RELN: variants seen among roughly 807,000 people sequenced by gnomAD.
RELN encodes the protein reelin.
A neutral mutation model predicts 427.6 loss-of-function variants in RELN; 108 were observed. That is an observed-to-expected ratio of 0.25 (90% CI 0.22 to 0.30). The LOEUF is 0.30. Among genes scored for constraint, RELN ranks in the 10% least tolerant of loss-of-function variants. The pLI is 1.00. For missense variants in RELN, 3,715 were observed against 4,302.8 expected, an observed-to-expected ratio of 0.86 and a Z score of 3.82; for synonymous variants, 1,524 against 1,513.4, an observed-to-expected ratio of 1.01 and a Z score of -0.16.
At chr7:103,832,720 C>T (rs1391072595) in intron 3 of RELN, among the ~76,000 whole-genome samples, 1 of 152,056 alleles carries the variant, frequency 6.6e-6, no homozygotes, top group Non-Finnish European at 1.5e-5. Flanking sequence ...GAACACTGTT[C>T]AGAACATCCT....
chr7:103,566,093 T>TC (rs1830744425), intron 33 of RELN, 131 bp downstream of exon 33: 8 of 793,510 alleles, frequency 1.0e-5, no homozygotes, highest in Admixed American at 8.8e-5. Flanking sequence ...AACTTTTTTT[T>TC]CACTGAGAGC....
chr7:103,651,565 T>A, intron 15 of RELN, 96 bp downstream of exon 15: 2 of 1,228,194 alleles, frequency 1.6e-6, no homozygotes, highest in Non-Finnish European at 2.4e-6. Context: ...GTTTCTTACC[T>A]ATTATGACAA....
chr7:103,557,382 C>A (rs1280588465), intron 37 of RELN, among the ~76,000 whole-genome samples: 1 of 152,204 alleles, frequency 6.6e-6, no homozygotes, highest in Admixed American at 6.5e-5. Context: ...ATAATACCTC[C>A]CTTTCTCTCT....
chr7:103,831,227 G>A (rs1793266588), intron 3 of RELN, among the ~76,000 whole-genome samples: 3 of 151,980 alleles, frequency 2.0e-5, no homozygotes, highest in African/African-American at 7.2e-5. Context: ...GTTATGTATG[G>A]CAAGAATTCG....
intron 28 of RELN, among the ~76,000 whole-genome samples, chr7:103,576,056 C>T (rs1247333866): frequency 6.6e-6 from 1 of 152,080 alleles, no homozygotes; most frequent in African/African-American, 2.4e-5. Context: ...CACGGTGAAA[C>T]CCTGTCTCTA....
At chr7:103,599,927 T>C (rs1831625464) in intron 24 of RELN, among the ~76,000 whole-genome samples, 1 of 152,168 alleles carries the variant, frequency 6.6e-6, no homozygotes, top group Non-Finnish European at 1.5e-5. Flanking sequence ...GACAGGGTCG[T>C]CCTCTGTCGC....
At chr7:103,777,683 G>C (rs116622067) in intron 3 of RELN, among the ~76,000 whole-genome samples, 36 of 152,170 alleles carry the variant, frequency 2.4e-4, no homozygotes, top group African/African-American at 8.4e-4. Context: ...CCTTGCTCTG[G>C]CCCACGTGTG....
chr7:103,819,127 G>A (rs548904732), intron 3 of RELN, among the ~76,000 whole-genome samples: 24 of 152,172 alleles, frequency 1.6e-4, no homozygotes, highest in African/African-American at 5.5e-4. Flanking sequence ...TATTTGCTTA[G>A]CTGTATTTTT....
intron 2 of RELN, among the ~76,000 whole-genome samples, chr7:103,860,961 T>A (rs1015277020): frequency 2.6e-5 from 4 of 152,054 alleles, no homozygotes; most frequent in African/African-American, 9.7e-5. Context: ...AAATAACAAA[T>A]ATAACAAAAA....
rs1382371880 is a variant in RELN at position 103,636,375 on chromosome 7, G to T, written c.2163C>A (p.Ser721=). 6.2e-7 allele frequency: 1 copy of T among 1,613,958 alleles called. No homozygotes were observed. The highest frequency in any genetic ancestry group is 1.7e-5 in the Admixed American group (1 of 60,014). Residue 721 remains serine, a synonymous_variant, in exon 18 of 65, where the codon TCC becomes TCA. Coordinates refer to ENST00000428762, the MANE Select transcript of RELN (RefSeq NM_005045.4). The part of the protein sequence containing the change: ...ISESFGSSRL[S]SYHNFYSIRG... ...GGATAGAGTAAAAGTTATGGTAAGA[G>T]GAGAGCCTGGAACTGCCAAAGCTTT... is the stretch of plus-strand genomic sequence containing the variant.
At chr7:103,869,896 T>C (rs1351371495) in intron 2 of RELN, among the ~76,000 whole-genome samples, 1 of 152,168 alleles carries the variant, frequency 6.6e-6, no homozygotes, top group Non-Finnish European at 1.5e-5. Flanking sequence ...GACCATTTCA[T>C]ATTTTCCCAC....
At chr7:103,920,306 A>AAATTTTTTATATTCG (rs1795584285) in intron 1 of RELN, among the ~76,000 whole-genome samples, 1 of 152,164 alleles carries the variant, frequency 6.6e-6, no homozygotes, top group South Asian at 2.1e-4. Flanking sequence ...ATAATTGGAC[A>AAATTTTTTATATTCG]AATTTTTTAT....
chr7:103,927,865 AT>A (rs1795780644), intron 1 of RELN, among the ~76,000 whole-genome samples: 1 of 152,182 alleles, frequency 6.6e-6, no homozygotes, highest in Non-Finnish European at 1.5e-5. Context: ...AAGTTAAGTG[AT>A]TAGTTATCTA....
At chr7:103,787,369 T>TA (rs898509188) in intron 3 of RELN, among the ~76,000 whole-genome samples, 225 of 144,446 alleles carry the variant, frequency 1.6e-3, no homozygotes, top group South Asian at 1.7e-3. Context: ...GAAAAACCCT[T>TA]AAAAAAAAAA....
chr7:103,742,226 T>A (rs979858848), intron 6 of RELN, among the ~76,000 whole-genome samples: 3 of 151,970 alleles, frequency 2.0e-5, no homozygotes, highest in African/African-American at 7.3e-5. Context: ...GAAGGAAAAC[T>A]AACAAACAGA....
At chr7:103,838,388 G>A (rs943302982) in intron 2 of RELN, among the ~76,000 whole-genome samples, 2 of 151,954 alleles carry the variant, frequency 1.3e-5, no homozygotes, top group Non-Finnish European at 2.9e-5. Flanking sequence ...GTCATAACTG[G>A]TCTAAAATAT....
chr7:103,799,777 G>A (rs1281815838), intron 3 of RELN, among the ~76,000 whole-genome samples: 3 of 152,134 alleles, frequency 2.0e-5, no homozygotes, highest in African/African-American at 4.8e-5. Flanking sequence ...AAGAGCATAG[G>A]CCCTGGAATC....
rs142250308 is a variant in RELN at position 103,965,279 on chromosome 7, A to G, written c.226+23852T>C. On this transcript the variant is annotated intron_variant, in intron 1 of 64. Coordinates refer to ENST00000428762, the MANE Select transcript of RELN (RefSeq NM_005045.4). ...TCATAGGCTGCCTAGCACAAAGTGC[A>G]TCAAATAAATGTTATAAATTAATAT... is the stretch of plus-strand genomic sequence containing the variant. 2.9e-3 allele frequency among the ~76,000 whole-genome samples: 449 copies of G among 152,352 alleles called. 1 individual carries two copies. The highest frequency in any genetic ancestry group is 0.01 in the African/African-American group (432 of 41,594).
At chr7:103,977,545 A>C (rs1157892571) in intron 1 of RELN, among the ~76,000 whole-genome samples, 1 of 152,088 alleles carries the variant, frequency 6.6e-6, no homozygotes, top group Non-Finnish European at 1.5e-5. Flanking sequence ...CTGCTAGGCC[A>C]ATAATACTTG....
Sources: gnomAD v4.1 joint callset for allele counts (sites outside exome capture counted in the v4.1 genomes callset) on GRCh38, gnomAD v4.1.1 for gene constraint, MANE v1.5 for transcripts, NCBI Gene and HGNC (gene_info 2026-07-23, HGNC 2026-07-21) for gene names.